The following PPP1R1C variants were observed in gnomAD, a reference collection of about 807,000 sequenced individuals.
The protein encoded by PPP1R1C is protein phosphatase 1 regulatory subunit 1C.
A neutral mutation model predicts 17.4 loss-of-function variants in PPP1R1C; 15 were observed. That is an observed-to-expected ratio of 0.86 (90% CI 0.58 to 1.33). PPP1R1C has a LOEUF of 1.33. Among genes scored for constraint, PPP1R1C ranks in the 40% most tolerant of loss-of-function variants. The probability of loss-of-function intolerance (pLI) is 0.00; values close to 1 mark genes in which losing one functional copy is unlikely to be tolerated. For missense variants in PPP1R1C, 143 were observed against 130.0 expected (o/e 1.10, Z -0.48); for synonymous variants, 35 against 43.1 (o/e 0.81, Z 0.73).
upstream of PPP1R1C, among the ~76,000 whole-genome samples, chr2:181,984,164 C>G (rs1685246913): frequency 6.6e-6 from 1 of 152,096 alleles, no homozygotes; most frequent in Admixed American, 6.6e-5. Flanking sequence ...TAATAGCTAT[C>G]TTTTATTGAG....
At chr2:181,982,739 C>T (rs1393695543), upstream of PPP1R1C, among the ~76,000 whole-genome samples, 1 of 152,080 alleles carries the variant, frequency 6.6e-6, no homozygotes, top group Non-Finnish European at 1.5e-5. Context: ...TGAACTGCGG[C>T]AGCCTGTAGG....
intron 2 of PPP1R1C, among the ~76,000 whole-genome samples, chr2:182,011,236 C>T (rs535401716): frequency 6.6e-6 from 1 of 152,082 alleles, no homozygotes; most frequent in East Asian, 1.9e-4. Context: ...AGCAGTGAAG[C>T]TATTGGGTGC....
intron 4 of PPP1R1C, among the ~76,000 whole-genome samples, chr2:182,081,492 A>G (rs905099994): frequency 6.6e-6 from 1 of 152,158 alleles, no homozygotes; most frequent in Non-Finnish European, 1.5e-5. Flanking sequence ...AAATCCTTAT[A>G]TTTCTTTTGC....
chr2:181,999,850 GT>G (rs1685711544), intron 2 of PPP1R1C, among the ~76,000 whole-genome samples: 1 of 151,152 alleles, frequency 6.6e-6, no homozygotes, highest in Non-Finnish European at 1.5e-5. Flanking sequence ...GATGAACCCC[GT>G]TTTTTATTCA....
At chr2:182,097,567 A>C (rs1180118159) in intron 4 of PPP1R1C, among the ~76,000 whole-genome samples, 1 of 152,178 alleles carries the variant, frequency 6.6e-6, no homozygotes, top group Non-Finnish European at 1.5e-5. Context: ...TCACCCCTTT[A>C]GTCTTTCCAT....
intron 5 of PPP1R1C, among the ~76,000 whole-genome samples, chr2:182,124,183 C>G (rs56295755): frequency 5.3e-5 from 8 of 152,140 alleles, no homozygotes; most frequent in African/African-American, 1.9e-4. Flanking sequence ...GGCATTATTT[C>G]TGAGGCCTCT....
intron 1 of PPP1R1C, among the ~76,000 whole-genome samples, chr2:181,972,292 T>C (rs1234289783): frequency 6.6e-6 from 1 of 152,214 alleles, no homozygotes; most frequent in Non-Finnish European, 1.5e-5. Context: ...AAGAATATAC[T>C]TCAGTAAGTC....
rs1302886422 is a variant in PPP1R1C, at chr2:181,977,392, G to A, written n.157+2128G>A. Among the ~76,000 whole-genome samples the A allele has an allele frequency of 2.0e-5, 3 of 151,844 alleles. No individual in the cohort carries two copies. The East Asian group carries it at 5.8e-4, about 29-fold the overall frequency. On this transcript the variant is annotated intron_variant and non_coding_transcript_variant, in intron 2 of 5. Transcript: ENST00000464264. The stretch of plus-strand genomic sequence containing the variant: ...TCTGATTGTATTTTTGTGTGTGTGT[G>A]TTTGTTTCCATTTTGTCCTCTTTTC...
chr2:182,105,867 C>T (rs941764783), intron 4 of PPP1R1C, among the ~76,000 whole-genome samples: 1 of 152,148 alleles, frequency 6.6e-6, no homozygotes, highest in Admixed American at 6.5e-5. Flanking sequence ...GTTGCCATCA[C>T]AATGTGCCAT....
intron 2 of PPP1R1C, among the ~76,000 whole-genome samples, chr2:182,014,969 C>T (rs540088468): frequency 1.8e-4 from 27 of 152,028 alleles, no homozygotes; most frequent in African/African-American, 5.1e-4. Context: ...TTGCTCAGGG[C>T]GGGTGCGGAA....
At chr2:181,993,537 T>C (rs1030370074) in intron 2 of PPP1R1C, among the ~76,000 whole-genome samples, 13 of 152,176 alleles carry the variant, frequency 8.5e-5, no homozygotes, top group African/African-American at 2.9e-4. Flanking sequence ...GAATCCACAA[T>C]CTTGCCTTGT....
At chr2:182,018,759 C>T (rs576901270) in intron 2 of PPP1R1C, among the ~76,000 whole-genome samples, 7 of 152,128 alleles carry the variant, frequency 4.6e-5, no homozygotes, top group South Asian at 2.1e-4. Context: ...AGTGTAGGAA[C>T]GAATGATAAG....
At position 182,090,977 on chromosome 2, in the gene PPP1R1C, A is replaced by G. The variant is rs564133315; in HGVS notation, c.242-26230A>G. Among the ~76,000 whole-genome samples the G allele has an allele frequency of 7.9e-5, 12 of 152,308 alleles. No homozygotes were observed. In the South Asian group the frequency reaches 2.5e-3, roughly 32 times the overall value. ...ACAAGTCCTACCTTCCTTTCCCAGA[A>G]ACAAGTAATCAAAACTGTTAACCAA... On this transcript the variant is annotated intron_variant, in intron 4 of 4. Coordinates refer to ENST00000682840, the MANE Select transcript of PPP1R1C (RefSeq NM_001080545.3).
chr2:182,076,470 C>T (rs1033158665), intron 4 of PPP1R1C, among the ~76,000 whole-genome samples: 1 of 151,330 alleles, frequency 6.6e-6, no homozygotes, highest in Non-Finnish European at 1.5e-5. Context: ...AGTACTTGTT[C>T]CTGCCTTTGA....
At chr2:182,080,929 G>C (rs890545989) in intron 4 of PPP1R1C, among the ~76,000 whole-genome samples, 3 of 152,158 alleles carry the variant, frequency 2.0e-5, no homozygotes, top group South Asian at 2.1e-4. Flanking sequence ...TGAAAAAACT[G>C]TATGTAAAAT....
intron 2 of PPP1R1C, among the ~76,000 whole-genome samples, chr2:182,034,444 G>GCTTT (rs1299519755): frequency 6.6e-6 from 1 of 152,080 alleles, no homozygotes; most frequent in East Asian, 1.9e-4. Flanking sequence ...AAGCCCTGAG[G>GCTTT]TGGGAAGAAG....
chr2:182,005,083 T>C (rs1685877748), intron 2 of PPP1R1C, among the ~76,000 whole-genome samples: 1 of 152,192 alleles, frequency 6.6e-6, no homozygotes, highest in Non-Finnish European at 1.5e-5. Context: ...AACTAATTTA[T>C]TAGATGTTTT....
chr2:182,089,791 T>C (rs375159373), intron 4 of PPP1R1C, among the ~76,000 whole-genome samples: 8 of 152,252 alleles, frequency 5.3e-5, no homozygotes, highest in African/African-American at 1.9e-4. Flanking sequence ...GCTTTGTTAC[T>C]AATAAGATAA....
chr2:182,051,452 A>G (rs1028830201), intron 2 of PPP1R1C, among the ~76,000 whole-genome samples: 1 of 152,324 alleles, frequency 6.6e-6, no homozygotes, highest in Admixed American at 6.5e-5. Flanking sequence ...AGGCTTAGCC[A>G]TGGTTTTTTT....
Sources: allele counts gnomAD v4.1 joint callset (sites outside exome capture counted in the v4.1 genomes callset), GRCh38; gene constraint gnomAD v4.1.1; transcripts MANE v1.5; gene names NCBI Gene and HGNC (gene_info 2026-07-23, HGNC 2026-07-21).